GRK5: variants seen among roughly 807,000 people sequenced by gnomAD.
GRK5 encodes g protein-coupled receptor kinase GRK5.
GRK5 carries 40 observed loss-of-function variants against 78.4 expected under a neutral mutation model. The ratio of observed to expected loss-of-function variants is 0.51; its 90% CI spans 0.40 to 0.66. The LOEUF (loss-of-function observed/expected upper bound fraction) is 0.66, where lower values mean the gene tolerates loss of function less well. Ranked by LOEUF, GRK5 falls within the 30% of genes least tolerant of loss-of-function variation. The pLI, the probability that GRK5 is intolerant of heterozygous loss-of-function variation, is 0.00. For synonymous variants in GRK5, 289 were observed against 296.8 expected (o/e 0.97, Z 0.27); for missense variants, 598 against 759.9 (o/e 0.79, Z 2.50).
At chr10:119,216,672 G>T (rs182893926) in intron 1 of GRK5, among the ~76,000 whole-genome samples, 2 of 152,170 alleles carry the variant, frequency 1.3e-5, no homozygotes, top group Non-Finnish European at 2.9e-5. Context: ...AATAAAAATG[G>T]CCAGGCGTGG....
intron 12 of GRK5, among the ~76,000 whole-genome samples, chr10:119,444,087 AC>A (rs1589814089): frequency 6.6e-6 from 1 of 152,108 alleles, no homozygotes; most frequent in African/African-American, 2.4e-5. Context: ...TGCCCCAGAC[AC>A]AAAGCAACCT....
intron 1 of GRK5, among the ~76,000 whole-genome samples, chr10:119,302,907 G>A (rs1254002360): frequency 6.6e-6 from 1 of 152,188 alleles, no homozygotes; most frequent in Non-Finnish European, 1.5e-5. Flanking sequence ...CTGTCACTGG[G>A]GCAAAGGTAG....
At chr10:119,247,149 C>T (rs1034669552) in intron 1 of GRK5, among the ~76,000 whole-genome samples, 1 of 152,198 alleles carries the variant, frequency 6.6e-6, no homozygotes, top group African/African-American at 2.4e-5. Flanking sequence ...ACCTCTCTTA[C>T]CCAGGCCAGC....
intron 13 of GRK5, among the ~76,000 whole-genome samples, chr10:119,449,742 T>C (rs935396884): frequency 2.6e-5 from 4 of 152,122 alleles, no homozygotes; most frequent in African/African-American, 9.7e-5. Context: ...TGAGCTGAGA[T>C]TGTACCACTG....
intron 1 of GRK5, among the ~76,000 whole-genome samples, chr10:119,210,856 G>A (rs1311594299): frequency 6.6e-6 from 1 of 152,190 alleles, no homozygotes; most frequent in Admixed American, 6.5e-5. Flanking sequence ...CCATGTTGGT[G>A]GGTAACACTG....
intron 1 of GRK5, among the ~76,000 whole-genome samples, chr10:119,306,131 G>T (rs937408115): frequency 1.3e-5 from 2 of 152,132 alleles, no homozygotes; most frequent in African/African-American, 4.8e-5. Flanking sequence ...TGGGGGAGGG[G>T]GGAGCCTTTT....
intron 4 of GRK5, among the ~76,000 whole-genome samples, chr10:119,415,909 G>A (rs1852440505): frequency 6.6e-6 from 1 of 152,196 alleles, no homozygotes; most frequent in African/African-American, 2.4e-5. Flanking sequence ...GCCCTGAGGG[G>A]TCTTTCCTGG....
intron 3 of GRK5, among the ~76,000 whole-genome samples, chr10:119,389,355 T>A (rs1851849088): frequency 6.6e-6 from 1 of 152,238 alleles, no homozygotes; most frequent in African/African-American, 2.4e-5. Flanking sequence ...TGTCTTTGTC[T>A]TTCTCTCACT....
chr10:119,286,738 G>C (rs755223063), intron 1 of GRK5, among the ~76,000 whole-genome samples: 2 of 152,272 alleles, frequency 1.3e-5, no homozygotes, highest in Non-Finnish European at 2.9e-5. Flanking sequence ...TCACTTTGGG[G>C]CTGGTCACCC....
intron 3 of GRK5, among the ~76,000 whole-genome samples, chr10:119,394,796 GGTGTGTGGGTGT>G (rs1198270731): frequency 1.9e-5 from 2 of 102,606 alleles, no homozygotes; most frequent in African/African-American, 8.3e-5. Context: ...TGTATGTTTG[GGTGTGTGGGTGT>G]GTGTGTGGGT....
chr10:119,394,396 G>A lies in GRK5; in HGVS notation c.262-2299G>A, dbSNP rs1250701218. On this transcript the variant is annotated intron_variant, in intron 3 of 15. Transcript: ENST00000392870. The stretch of plus-strand genomic sequence containing the variant: ...GGTGTCGGTGTGTGTATCTGTGTCT[G>A]TGTGTGGGCATGTGTGTGGGGGTGT... Among the ~76,000 whole-genome samples, 5 of 115,080 alleles carry A rather than the reference G, an allele frequency of 4.3e-5. 2 individuals carry two copies. The highest frequency in any genetic ancestry group is 1.7e-4 in the African/African-American group (5 of 29,278). 75.5% of individuals were successfully genotyped at this position (115,080 alleles called of 152,430 possible).
intron 4 of GRK5, among the ~76,000 whole-genome samples, chr10:119,415,642 C>T (rs960837513): frequency 5.9e-5 from 9 of 152,192 alleles, no homozygotes; most frequent in South Asian, 2.1e-4. Context: ...AGAGACGCCA[C>T]GGCTGAGATT....
rs761170797 is a variant in GRK5, at chr10:119,448,178, A to G, written c.1322A>G (p.Glu441Gly). 6.3e-7 allele frequency: 1 copy of G among 1,581,980 alleles called. No homozygotes were observed. Among genetic ancestry groups the G allele is most frequent in the Non-Finnish European group, 8.6e-7 (1 of 1,167,684 alleles). Residue 441 changes from glutamate to glycine, a missense_variant, in exon 13 of 16, where the codon GAG becomes GGG. Transcript: ENST00000392870. ...GGCTGCCAGGAGGAGGGGGCTGCAG[A>G]GGTCAAGAGACACCCCTTCTTCAGG... ...RLGCQEEGAA[E>G]VKRHPFFRNM...
chr10:119,326,223 T>G (rs900519186), intron 1 of GRK5, among the ~76,000 whole-genome samples: 5 of 152,140 alleles, frequency 3.3e-5, no homozygotes, highest in African/African-American at 1.2e-4. Context: ...TGTGGTCTAG[T>G]CTAGGGGAAC....
chr10:119,438,368 G>A (rs999271560), intron 9 of GRK5, among the ~76,000 whole-genome samples: 4 of 152,126 alleles, frequency 2.6e-5, no homozygotes, highest in African/African-American at 9.7e-5. Context: ...CCCCCTGCTC[G>A]GTCCTGGCAG....
At position 119,430,482 on chromosome 10, in the gene GRK5, A is replaced by C; in HGVS notation, c.597+44A>C. The C allele has an allele frequency of 6.4e-7, 1 of 1,563,444 alleles. No homozygotes were observed. Among genetic ancestry groups the C allele is most frequent in the African/African-American group, 1.4e-5 (1 of 73,824 alleles). The stretch of plus-strand genomic sequence containing the variant: ...TTTTAATTGAAAGTTCTTACATTCA[A>C]GTCACCTTTCCTGTCCCTTCTAAAT... On this transcript the variant is annotated intron_variant, in intron 7 of 15. Transcript: ENST00000392870. This position sits in a 1 kb window ranked among gnomAD's most constrained non-coding sequence, Gnocchi z 4.5.
intron 1 of GRK5, among the ~76,000 whole-genome samples, chr10:119,232,716 C>T (rs943468452): frequency 6.6e-6 from 1 of 152,196 alleles, no homozygotes; most frequent in Non-Finnish European, 1.5e-5. Context: ...CTACTTGTCT[C>T]CCACCATGAT....
Position 119,458,940 on chromosome 10 carries a change from GAGA to G in GRK5, c.*3880_*3882del, listed in dbSNP as rs1411890854. 2.6e-5 allele frequency: 4 copies of G among 152,184 alleles called. No individual in the cohort carries two copies. The highest frequency in any genetic ancestry group is 2.6e-4 in the Admixed American group (4 of 15,288). The allele number at this position is 152,184 out of a possible 1,614,324, so 9.4% of individuals were successfully genotyped here. A position where few individuals can be genotyped will look rare whatever the true frequency, so the allele number is the denominator to read the frequency against. ...GCTTCCTGGATAATTGGAAATCTCT[GAGA>G]AGAAGAGGAAACACCTGAGTGACAC... On this transcript the variant is annotated 3_prime_UTR_variant, in exon 16 of 16. Transcript: ENST00000392870.
At chr10:119,407,975 C>T (rs562955992) in intron 4 of GRK5, among the ~76,000 whole-genome samples, 95 of 152,122 alleles carry the variant, frequency 6.2e-4, no homozygotes, top group Non-Finnish European at 1.1e-3. Context: ...ACCAGCCTGA[C>T]CAACATGGAG....
Sources: allele counts gnomAD v4.1 joint callset (sites outside exome capture counted in the v4.1 genomes callset), GRCh38; gene constraint gnomAD v4.1.1; non-coding constraint Gnocchi (gnomAD v3.1); transcripts MANE v1.5; gene names NCBI Gene and HGNC (gene_info 2026-07-23, HGNC 2026-07-21).